Variants in ACSS3 observed in about 807,000 individuals in gnomAD.
The protein encoded by ACSS3 is acyl-CoA synthetase short-chain family member 3, mitochondrial.
In ACSS3, 64 loss-of-function variants were observed where a neutral mutation model predicts 84.2. The observed-to-expected ratio is 0.76, with a 90% CI of 0.62 to 0.94. The LOEUF (loss-of-function observed/expected upper bound fraction) is 0.94. Among genes scored for constraint, ACSS3 ranks in the 40% least tolerant of loss-of-function variants. The pLI is 0.00. For synonymous variants in ACSS3, 317 were observed against 310.1 expected (o/e 1.02, Z -0.23); for missense variants, 815 against 867.6 (o/e 0.94, Z 0.76).
Position 81,194,860 on chromosome 12 carries a change from C to CA in ACSS3, c.1251-4471dup, listed in dbSNP as rs11349258. Among the ~76,000 whole-genome samples the CA allele has an allele frequency of 1.3e-3, 197 of 149,526 alleles. 7 individuals are homozygous for CA. In the East Asian group the frequency reaches 0.032, roughly 24 times the overall value. Reference sequence around the variant, plus strand: ...TGTGTGGTAGAGACTGGGGGATAGTCAAAAAAAAAATTACAGCTTGCAAAA... The same window carrying CA: ...TGTGTGGTAGAGACTGGGGGATAGTCAAAAAAAAAAATTACAGCTTGCAAAA... On this transcript the variant is annotated intron_variant, in intron 8 of 15. Coordinates refer to ENST00000548058, the MANE Select transcript of ACSS3 (RefSeq NM_024560.4).
At chr12:81,172,259 C>CAGAAAAAA (rs2030117486) in intron 7 of ACSS3, among the ~76,000 whole-genome samples, 1 of 56,962 alleles carries the variant, frequency 1.8e-5, no homozygotes, top group African/African-American at 7.0e-5. Flanking sequence ...GGCTCTGTCT[C>CAGAAAAAA]AAAAAAAAAA....
intron 5 of ACSS3, 76 bp from the exon 6 acceptor site, chr12:81,151,768 A>C (rs1593132011): frequency 1.5e-6 from 2 of 1,315,592 alleles, no homozygotes; most frequent in Non-Finnish European, 1.1e-6. Context: ...AGGAACTTTT[A>C]AAGTGGATGC....
chr12:81,167,820 T>C (rs1887474327), intron 7 of ACSS3, among the ~76,000 whole-genome samples: 1 of 152,178 alleles, frequency 6.6e-6, no homozygotes, highest in African/African-American at 2.4e-5. Context: ...TTATAGATAT[T>C]TGTGTCTTGG....
Position 81,139,173 on chromosome 12 carries a change from A to G in ACSS3, c.688A>G (p.Arg230Gly), listed in dbSNP as rs369884356. The G allele has an allele frequency of 1.1e-5, 18 of 1,613,726 alleles. No individual in the cohort carries two copies. The highest frequency in any genetic ancestry group is 1.5e-5 in the Non-Finnish European group (18 of 1,179,812). Residue 230 changes from arginine to glycine, a missense_variant, in exon 4 of 16, where the codon AGG (arginine) becomes GGG (glycine). By Grantham distance (125) the Arg-to-Gly change is moderately radical (BLOSUM62 -2). Coordinates refer to ENST00000548058, the MANE Select transcript of ACSS3 (RefSeq NM_024560.4). ...VTASFGIEPG[R>G]RVEYVPLVEE... is the part of the protein sequence containing the mutation. ...AGCATCATTTGGCATTGAACCTGGAAGGAGGGTAGAGTACGTACCACTTGT... is the reference window on the plus strand; with the variant it reads ...AGCATCATTTGGCATTGAACCTGGAGGGAGGGTAGAGTACGTACCACTTGT...
Position 81,118,448 on chromosome 12 carries a change from C to G in ACSS3, c.456+8744C>G, listed in dbSNP as rs1296162548. 5.3e-5 allele frequency among the ~76,000 whole-genome samples: 8 copies of G among 152,078 alleles called. No homozygotes were observed. The East Asian group carries it at 1.4e-3, about 26-fold the overall frequency. Reference sequence around the variant, plus strand: ...AGGAGGATATAGAGGAATGGACATGCTATTTTAATATCCACACAGAGAAAT... The same window carrying G: ...AGGAGGATATAGAGGAATGGACATGGTATTTTAATATCCACACAGAGAAAT... On this transcript the variant is annotated intron_variant, in intron 2 of 15. Coordinates refer to ENST00000548058, the MANE Select transcript of ACSS3 (RefSeq NM_024560.4).
rs540028784 is a variant in ACSS3 at position 81,157,782 on chromosome 12, G to A, written c.1098+5686G>A. Among the ~76,000 whole-genome samples the A allele has an allele frequency of 2.4e-4, 36 of 152,118 alleles. No homozygotes were observed. The South Asian group carries it at 7.5e-3, about 32-fold the overall frequency. ...AGATCGCAACACTGCACTCCAGCCT[G>A]GGCAACAGAGCAAGACTCCCTCTCA... On this transcript the variant is annotated intron_variant, in intron 7 of 15. Coordinates refer to ENST00000548058, the MANE Select transcript of ACSS3 (RefSeq NM_024560.4).
chr12:81,082,214 C>T (rs977972513), intron 1 of ACSS3, among the ~76,000 whole-genome samples: 2 of 152,220 alleles, frequency 1.3e-5, no homozygotes, highest in African/African-American at 4.8e-5. Context: ...CTGGCCTCCT[C>T]TCTCCTTCCT....
chr12:81,113,791 G>C (rs1459214060), intron 2 of ACSS3, among the ~76,000 whole-genome samples: 1 of 151,956 alleles, frequency 6.6e-6, no homozygotes, highest in African/African-American at 2.4e-5. Context: ...ATTCAGCTTG[G>C]TAGTTCAAGA....
intron 8 of ACSS3, among the ~76,000 whole-genome samples, chr12:81,195,705 G>A (rs2031794209): frequency 6.6e-6 from 1 of 151,572 alleles, no homozygotes; most frequent in African/African-American, 2.4e-5. Context: ...GATTACCCTA[G>A]CAGCATTGCA....
At chr12:81,203,291 G>A (rs191392438) in intron 9 of ACSS3, among the ~76,000 whole-genome samples, 1 of 152,064 alleles carries the variant, frequency 6.6e-6, no homozygotes, top group Admixed American at 6.6e-5. Flanking sequence ...GTGCCCACTC[G>A]CACTGAGGAA....
chr12:81,178,155 T>C (rs995169512), intron 8 of ACSS3, among the ~76,000 whole-genome samples: 3 of 151,448 alleles, frequency 2.0e-5, no homozygotes, highest in Non-Finnish European at 4.4e-5. Flanking sequence ...TGAGTTCATG[T>C]CCTTTGTAGG....
chr12:81,122,426 G>A (rs979957260), intron 2 of ACSS3, among the ~76,000 whole-genome samples: 1 of 151,940 alleles, frequency 6.6e-6, no homozygotes, highest in South Asian at 2.1e-4. Flanking sequence ...AATATTATTC[G>A]CTAGCCCTTT....
At chr12:81,243,869 A>T (rs555260711) in intron 13 of ACSS3, among the ~76,000 whole-genome samples, 5 of 152,274 alleles carry the variant, frequency 3.3e-5, no homozygotes, top group Admixed American at 3.3e-4. Flanking sequence ...CTTATCTGTG[A>T]GGTAAATTGA....
intron 10 of ACSS3, among the ~76,000 whole-genome samples, chr12:81,218,353 G>C (rs1038428188): frequency 1.2e-4 from 19 of 152,118 alleles, no homozygotes; most frequent in Non-Finnish European, 2.1e-4. Context: ...GACAAAATAT[G>C]ATTCCTAACA....
At chr12:81,099,064 A>G (rs1341268908) in intron 1 of ACSS3, among the ~76,000 whole-genome samples, 1 of 152,204 alleles carries the variant, frequency 6.6e-6, no homozygotes, top group Non-Finnish European at 1.5e-5. Flanking sequence ...AAATTATTAT[A>G]GTTAATATTT....
chr12:81,155,188 T>C (rs1394111206), intron 7 of ACSS3, among the ~76,000 whole-genome samples: 1 of 152,212 alleles, frequency 6.6e-6, no homozygotes, highest in Non-Finnish European at 1.5e-5. Flanking sequence ...TACTCCTCGT[T>C]TTCTTTCTTC....
chr12:81,119,534 C>T (rs551739365), intron 2 of ACSS3, among the ~76,000 whole-genome samples: 202 of 152,184 alleles, frequency 1.3e-3, no homozygotes, highest in African/African-American at 4.3e-3. Context: ...GACAGACACT[C>T]GCAGAGCGGC....
intron 9 of ACSS3, among the ~76,000 whole-genome samples, chr12:81,214,057 G>A (rs969825790): frequency 5.7e-5 from 8 of 141,302 alleles, no homozygotes; most frequent in African/African-American, 2.1e-4. Flanking sequence ...ATGGAGTCTT[G>A]CTCTGTCACC....
chr12:81,079,703 A>G (rs1396750085), intron 1 of ACSS3, among the ~76,000 whole-genome samples: 1 of 152,210 alleles, frequency 6.6e-6, no homozygotes, highest in Non-Finnish European at 1.5e-5. Flanking sequence ...CCTGCTTTCT[A>G]GAAGTCATAA....
Sources: allele counts gnomAD v4.1 joint callset (sites outside exome capture counted in the v4.1 genomes callset), GRCh38; gene constraint gnomAD v4.1.1; transcripts MANE v1.5; gene names NCBI Gene and HGNC (gene_info 2026-07-23, HGNC 2026-07-21).